Variants in XPO6 observed in about 807,000 individuals in gnomAD.
XPO6 encodes the protein exportin 6.
Under a neutral mutation model 130.0 loss-of-function variants are expected in XPO6, and 3 were observed. That is an observed-to-expected ratio of 0.02 (90% CI 0.01 to 0.06). The LOEUF is 0.06. XPO6 is among the 10% of genes least tolerant of loss of function. The probability of loss-of-function intolerance (pLI) is 1.00; values close to 1 mark genes in which losing one functional copy is unlikely to be tolerated. For synonymous variants in XPO6, 524 were observed against 548.9 expected (o/e 0.95, Z 0.63); for missense variants, 970 against 1,393.0 (o/e 0.70, Z 4.83).
intron 17 of XPO6, among the ~76,000 whole-genome samples, chr16:28,108,056 T>C (rs1202729301): frequency 6.6e-6 from 1 of 152,016 alleles, no homozygotes; most frequent in Admixed American, 6.6e-5. Flanking sequence ...AGATGGTGAA[T>C]AGACTGGTGA....
chr16:28,193,677 G>A (rs982824995), intron 1 of XPO6, among the ~76,000 whole-genome samples: 1 of 152,116 alleles, frequency 6.6e-6, no homozygotes, highest in Non-Finnish European at 1.5e-5. Flanking sequence ...AAATGAAACA[G>A]GTACTCGGCC....
intron 1 of XPO6, among the ~76,000 whole-genome samples, chr16:28,197,676 C>T (rs369530557): frequency 4.0e-5 from 6 of 151,608 alleles, no homozygotes; most frequent in Admixed American, 3.9e-4. Flanking sequence ...CAGCACTTTG[C>T]GAGGCCCGGG....
chr16:28,134,527 C>T (rs888801054), intron 10 of XPO6, among the ~76,000 whole-genome samples: 1 of 152,210 alleles, frequency 6.6e-6, no homozygotes, highest in Non-Finnish European at 1.5e-5. Flanking sequence ...CTCCTCCATG[C>T]CCAAGGTTGC....
At chr16:28,125,167 G>A (rs1020664009) in intron 13 of XPO6, among the ~76,000 whole-genome samples, 3 of 152,166 alleles carry the variant, frequency 2.0e-5, no homozygotes. Context: ...GCCAGGCGTG[G>A]AGGCTACCCA....
chr16:28,158,092 A>G, intron 6 of XPO6, among the ~76,000 whole-genome samples: 1 of 152,230 alleles, frequency 6.6e-6, no homozygotes, highest in Admixed American at 6.5e-5. Flanking sequence ...AAAAAGATAC[A>G]GTTAAATTAA....
intron 2 of XPO6, chr16:28,179,299 A>C (rs2043580759): frequency 6.6e-6 from 1 of 152,144 alleles, no homozygotes; most frequent in South Asian, 2.1e-4. Context: ...CCTGGGCTCA[A>C]GTGATCCACC....
Position 28,167,176 on chromosome 16 carries a change from T to C in XPO6, c.566-591A>G, listed in dbSNP as rs546601608. On this transcript the variant is annotated intron_variant, in intron 5 of 23. Coordinates refer to ENST00000304658, the MANE Select transcript of XPO6 (RefSeq NM_015171.4). Reference sequence around the variant, plus strand: ...TCTTGGCCCAAACTCACCTTGACTATATACACCAAGCTCTGCCTCACACGA... The same window carrying C: ...TCTTGGCCCAAACTCACCTTGACTACATACACCAAGCTCTGCCTCACACGA... 68 of 985,420 alleles carry C rather than the reference T, an allele frequency of 6.9e-5. No homozygotes were observed. In the South Asian group the frequency reaches 3.1e-3, roughly 44 times the overall value. 61.0% of individuals were successfully genotyped at this position (985,420 alleles called of 1,614,324 possible).
At chr16:28,105,833 A>C in intron 20 of XPO6, 1 of 690,208 alleles carries the variant, frequency 1.4e-6, no homozygotes, top group South Asian at 2.6e-5. Flanking sequence ...AATAACTGCC[A>C]TGCTTACACT....
chr16:28,188,129 T>G (rs57698050), intron 1 of XPO6, among the ~76,000 whole-genome samples: 1 of 152,152 alleles, frequency 6.6e-6, no homozygotes, highest in South Asian at 2.1e-4. Context: ...TAAATAAAGA[T>G]GGGGTCTTGC....
chr16:28,188,777 G>A (rs1279799353), intron 1 of XPO6, among the ~76,000 whole-genome samples: 1 of 151,114 alleles, frequency 6.6e-6, no homozygotes, highest in Admixed American at 6.6e-5. Flanking sequence ...AACATGCATG[G>A]GAACCAGGGC....
chr16:28,195,616 G>C (rs2043846620), intron 1 of XPO6, among the ~76,000 whole-genome samples: 1 of 152,164 alleles, frequency 6.6e-6, no homozygotes, highest in Non-Finnish European at 1.5e-5. Flanking sequence ...AGCCAGGTGT[G>C]GTGGCGTGAG....
intron 1 of XPO6, among the ~76,000 whole-genome samples, chr16:28,201,200 T>TA: frequency 6.6e-6 from 1 of 152,270 alleles, no homozygotes; most frequent in South Asian, 2.1e-4. Flanking sequence ...AAAATACAGT[T>TA]ATCTGAGCTT....
intron 20 of XPO6, among the ~76,000 whole-genome samples, chr16:28,105,485 TA>T (rs1302005968): frequency 6.6e-6 from 1 of 152,230 alleles, no homozygotes; most frequent in African/African-American, 2.4e-5. Context: ...GTGCATTTCG[TA>T]ATGCACAGCA....
Position 28,125,751 on chromosome 16 carries a change from G to A in XPO6, c.1704C>T (p.Ala568=), listed in dbSNP as rs771815374. 7.8e-5 allele frequency: 126 copies of A among 1,614,040 alleles called. No homozygotes were observed. The highest frequency in any genetic ancestry group is 9.8e-5 in the Non-Finnish European group (116 of 1,180,048). Reference sequence around the variant, plus strand: ...CAAACACATCCCCGATAAAGTACTCGGCCAGGCGGCCCACGGCCTGCAGCA... The same window carrying A: ...CAAACACATCCCCGATAAAGTACTCAGCCAGGCGGCCCACGGCCTGCAGCA... ...SSLLQAVGRL[A]EYFIGDVFAA... The change falls in exon 13 of 24, where the codon GCC becomes GCT. Residue 568 remains alanine (A), a synonymous_variant. Coordinates refer to ENST00000304658, the MANE Select transcript of XPO6 (RefSeq NM_015171.4).
At chr16:28,142,667 C>A (rs1373655291) in intron 9 of XPO6, among the ~76,000 whole-genome samples, 5 of 152,110 alleles carry the variant, frequency 3.3e-5, no homozygotes, top group Non-Finnish European at 7.4e-5. Flanking sequence ...AACTCCTGGG[C>A]TTAAGCAGTC....
intron 6 of XPO6, among the ~76,000 whole-genome samples, chr16:28,165,741 A>G (rs2043347144): frequency 6.6e-6 from 1 of 152,234 alleles, no homozygotes; most frequent in African/African-American, 2.4e-5. Flanking sequence ...AGCCACATCA[A>G]CCTTTACAGT....
intron 6 of XPO6, among the ~76,000 whole-genome samples, chr16:28,157,004 G>A (rs1008515672): frequency 6.6e-6 from 1 of 151,588 alleles, no homozygotes; most frequent in Non-Finnish European, 1.5e-5. Context: ...TACAAAGTTG[G>A]GCACCAAATG....
chr16:28,099,357 G>C (rs891530820), intron 23 of XPO6, among the ~76,000 whole-genome samples: 4 of 152,100 alleles, frequency 2.6e-5, no homozygotes, highest in African/African-American at 9.7e-5. Flanking sequence ...GCAGAGCCAT[G>C]AGCAGGACCA....
chr16:28,134,832 C>T (rs144410072), intron 10 of XPO6, among the ~76,000 whole-genome samples: 4 of 152,288 alleles, frequency 2.6e-5, no homozygotes, highest in East Asian at 3.9e-4. Context: ...CTAGCCTTAT[C>T]GGTTCAGTAT....
Sources: gnomAD v4.1 joint callset for allele counts (sites outside exome capture counted in the v4.1 genomes callset) on GRCh38, gnomAD v4.1.1 for gene constraint, MANE v1.5 for transcripts, NCBI Gene and HGNC (gene_info 2026-07-23, HGNC 2026-07-21) for gene names.